Variants in OGDH observed in about 807,000 individuals in gnomAD.
OGDH encodes oxoglutarate dehydrogenase, also known as 2-oxoglutarate dehydrogenase complex component E1.
OGDH carries 38 observed loss-of-function variants against 116.6 expected under a neutral mutation model. The ratio of observed to expected loss-of-function variants is 0.33; its 90% CI spans 0.25 to 0.43. The LOEUF is 0.43. Ranked by LOEUF, OGDH falls within the 20% of genes least tolerant of loss-of-function variation. The pLI, the probability that OGDH is intolerant of heterozygous loss-of-function variation, is 1.00. For synonymous variants in OGDH, 488 were observed against 533.3 expected (o/e 0.92, Z 1.17); for missense variants, 825 against 1,357.2 (o/e 0.61, Z 6.16).
intron 20 of OGDH, among the ~76,000 whole-genome samples, chr7:44,704,642 A>G (rs542773753): frequency 3.3e-5 from 5 of 151,986 alleles, no homozygotes; most frequent in South Asian, 2.1e-4. Flanking sequence ...CTCCCGTTCT[A>G]TGGGTTGTTC....
rs771406309 is a variant in OGDH, at chr7:44,696,167, G to T, written c.1771+40G>T. ...AGTGCCACAAATAAGCTCCTTTGAG[G>T]ATCTGATGTAACGAGGCATCCTCTT... is the stretch of plus-strand genomic sequence containing the variant. On this transcript the variant is annotated intron_variant, in intron 13 of 22. Coordinates refer to ENST00000222673, the MANE Select transcript of OGDH (RefSeq NM_002541.4). 35 of 1,390,268 alleles carry T rather than the reference G, an allele frequency of 2.5e-5. No individual in the cohort carries two copies. The East Asian group carries it at 7.8e-4, about 31-fold the overall frequency. The allele number at this position is 1,390,268 out of a possible 1,614,324, so 86.1% of individuals were successfully genotyped here.
At chr7:44,613,354 GTTTA>G (rs1193003450) in intron 1 of OGDH, among the ~76,000 whole-genome samples, 2 of 150,962 alleles carry the variant, frequency 1.3e-5, no homozygotes, top group South Asian at 2.1e-4. Context: ...TTGTTTGTTT[GTTTA>G]TTTGTTTGTT....
chr7:44,703,181 C>G (rs1001321891), intron 20 of OGDH, among the ~76,000 whole-genome samples: 1 of 151,664 alleles, frequency 6.6e-6, no homozygotes, highest in Non-Finnish European at 1.5e-5. Flanking sequence ...TTTGGGAGTT[C>G]GAGGCAGGTG....
chr7:44,608,919 A>G (rs189298330), intron 1 of OGDH, among the ~76,000 whole-genome samples: 9 of 152,294 alleles, frequency 5.9e-5, no homozygotes, highest in Admixed American at 4.6e-4. Flanking sequence ...CTTCTCTAAC[A>G]TTGTGCAAAA....
At chr7:44,647,555 G>C (rs866876379) in intron 3 of OGDH, 102 bp from the exon 4 acceptor site, 1 of 1,552,480 alleles carries the variant, frequency 6.4e-7, no homozygotes. Flanking sequence ...AGCTGTAAAT[G>C]CTAATTTTAA....
chr7:44,660,721 G>A (rs1786898985), intron 4 of OGDH, among the ~76,000 whole-genome samples: 1 of 152,112 alleles, frequency 6.6e-6, no homozygotes, highest in South Asian at 2.1e-4. Flanking sequence ...TTGAAGCCAG[G>A]AGTTTGTTGC....
At chr7:44,702,586 T>C (rs1788883514) in intron 20 of OGDH, among the ~76,000 whole-genome samples, 1 of 151,454 alleles carries the variant, frequency 6.6e-6, no homozygotes, top group African/African-American at 2.4e-5. Context: ...TTTAATTTTA[T>C]TTATTTATTT....
intron 5 of OGDH, 50 bp downstream of exon 5, chr7:44,666,901 T>C: frequency 1.8e-6 from 2 of 1,114,438 alleles, no homozygotes; most frequent in East Asian, 5.1e-5. Flanking sequence ...GAACTTGTAT[T>C]GGCAGGATGG....
chr7:44,653,914 G>A (rs1018608044), intron 4 of OGDH, among the ~76,000 whole-genome samples: 7 of 152,030 alleles, frequency 4.6e-5, no homozygotes, highest in Admixed American at 3.3e-4. Context: ...GAGTGCAGTG[G>A]CAGGATCTCA....
chr7:44,659,002 A>G (rs1158402345), intron 4 of OGDH, among the ~76,000 whole-genome samples: 4 of 151,960 alleles, frequency 2.6e-5, no homozygotes, highest in Admixed American at 2.0e-4. Context: ...ACGCCCAGCT[A>G]ATTTTTCTAC....
chr7:44,687,107 T>TTTTTTTTTTG, intron 10 of OGDH, among the ~76,000 whole-genome samples: 1 of 144,636 alleles, frequency 6.9e-6, no homozygotes, highest in Non-Finnish European at 1.5e-5. Context: ...TTTTTTTTTT[T>TTTTTTTTTTG]TTTTTTCTGA....
At chr7:44,699,319 A>C (rs559328021) in intron 18 of OGDH, among the ~76,000 whole-genome samples, 2 of 147,902 alleles carry the variant, frequency 1.4e-5, no homozygotes, top group East Asian at 4.2e-4. Flanking sequence ...CCAACTACTC[A>C]GGAGGCTGAG....
At chr7:44,666,174 G>A (rs1787176210) in intron 4 of OGDH, among the ~76,000 whole-genome samples, 1 of 152,120 alleles carries the variant, frequency 6.6e-6, no homozygotes, top group Admixed American at 6.5e-5. Flanking sequence ...GCTGCCCTGT[G>A]GTGCACCCCT....
chr7:44,642,602 G>C (rs1023716557), intron 2 of OGDH, among the ~76,000 whole-genome samples: 1 of 152,104 alleles, frequency 6.6e-6, no homozygotes, highest in Admixed American at 6.5e-5. Context: ...GGTAAAAACC[G>C]TAAAACCTCA....
chr7:44,672,487 C>T lies in OGDH; in HGVS notation c.634-1300C>T, dbSNP rs190679561. Among the ~76,000 whole-genome samples the T allele has an allele frequency of 3.3e-5, 5 of 152,244 alleles. 1 individual carries two copies. The highest frequency in any genetic ancestry group is 9.6e-5 in the African/African-American group (4 of 41,534). ...GGGGTCTGTAAAGTGTCTGTTGGCC[C>T]ACATTAGGGCCTATCTTCTTTTTAT... On this transcript the variant is annotated intron_variant, in intron 5 of 22. Transcript: ENST00000222673.
intron 1 of OGDH, among the ~76,000 whole-genome samples, chr7:44,623,842 C>T (rs1318963014): frequency 6.6e-6 from 1 of 152,180 alleles, no homozygotes; most frequent in Non-Finnish European, 1.5e-5. Flanking sequence ...GATGTGGTTT[C>T]ACCATGTTGG....
At chr7:44,607,576 A>G (rs1215086245) in intron 1 of OGDH, among the ~76,000 whole-genome samples, 1 of 152,176 alleles carries the variant, frequency 6.6e-6, no homozygotes, top group African/African-American at 2.4e-5. Context: ...AGGCAGCACT[A>G]GTTGCAACAG....
intron 2 of OGDH, among the ~76,000 whole-genome samples, chr7:44,643,902 A>AT (rs542088539): frequency 8.0e-5 from 12 of 150,544 alleles, no homozygotes; most frequent in East Asian, 1.9e-4. Context: ...CAATGTTTCT[A>AT]TTTTTTTTTT....
intron 4 of OGDH, 137 bp from the exon 5 acceptor site, chr7:44,666,599 A>G (rs1479218333): frequency 1.9e-5 from 8 of 419,284 alleles, no homozygotes; most frequent in African/African-American, 2.1e-5. Context: ...CACATATATC[A>G]GGGGCTTTTT....
Sources: allele counts gnomAD v4.1 joint callset (sites outside exome capture counted in the v4.1 genomes callset), GRCh38; gene constraint gnomAD v4.1.1; transcripts MANE v1.5; gene names NCBI Gene and HGNC (gene_info 2026-07-23, HGNC 2026-07-21).